Variants in MYO15B observed in about 807,000 individuals in gnomAD.
MYO15B encodes the protein myosin XVB pseudogene.
Under a neutral mutation model 119.3 loss-of-function variants are expected in MYO15B, and 207 were observed. The ratio of observed to expected loss-of-function variants is 1.73; its 90% confidence interval spans 1.55 to 1.95. MYO15B has a LOEUF of 1.95. Ranked by LOEUF, MYO15B falls within the 30% of genes most tolerant of loss-of-function variation. The pLI, the probability that MYO15B is intolerant of heterozygous loss-of-function variation, is 0.00. For synonymous variants in MYO15B, 966 were observed against 498.9 expected (o/e 1.94, Z -12.48); for missense variants, 2,264 against 1,203.1 (o/e 1.88, Z -13.04).
chr17:75,626,039 A>G, intron 62 of MYO15B, 49 bp from the exon 63 acceptor site: 1 of 697,608 alleles, frequency 1.4e-6, no homozygotes. Context: ...ATCACCCACA[A>G]TGACCCCTCC....
At chr17:75,615,065 A>C in intron 33 of MYO15B, 23 bp downstream of exon 33, 1 of 698,868 alleles carries the variant, frequency 1.4e-6, no homozygotes, top group Non-Finnish European at 2.6e-6. Flanking sequence ...CTGATTCCTC[A>C]CCCAGGGCCT....
exon 5 of MYO15B, chr17:75,591,673 C>G: frequency 1.4e-6 from 1 of 702,960 alleles, no homozygotes; most frequent in Non-Finnish European, 2.6e-6. Flanking sequence ...AGTTCCTAAG[C>G]AGCCTGGAGC....
chr17:75,624,835 G>C (rs1284635094), exon 59 of MYO15B: 3 of 702,900 alleles, frequency 4.3e-6, no homozygotes, highest in Admixed American at 4.0e-5. Flanking sequence ...ACCAGGACGT[G>C]AGCCTGCACA....
chr17:75,617,375 T>C, intron 41 of MYO15B, 71 bp downstream of exon 41: 2 of 572,386 alleles, frequency 3.5e-6, no homozygotes, highest in East Asian at 3.0e-5. Context: ...AGACTCTCGG[T>C]GCCCAGGGCT....
At position 75,603,329 on chromosome 17, in the gene MYO15B, C is replaced by G; in HGVS notation, c.4016+17C>G. On this transcript the variant is annotated intron_variant, in intron 19 of 63. Transcript: ENST00000645453. ...CCTGGCCAGGTGGGGCCCAGCACCT[C>G]GGGGCAGGACTGACAAGGAGGCCAC... 1 of 702,574 alleles carries G rather than the reference C, an allele frequency of 1.4e-6. No homozygotes were observed. The highest frequency in any genetic ancestry group is 1.5e-5 in the South Asian group (1 of 67,506). 43.5% of individuals were successfully genotyped at this position (702,574 alleles called of 1,614,324 possible). A position where few individuals can be genotyped will look rare whatever the true frequency, so the allele number is the denominator to read the frequency against.
chr17:75,614,114 GC>G, intron 29 of MYO15B, 84 bp from the exon 30 acceptor site: 2 of 659,304 alleles, frequency 3.0e-6, no homozygotes, highest in Non-Finnish European at 2.8e-6. Context: ...CCCTTCCTCA[GC>G]CCCCTGCCCC....
chr17:75,622,211 G>A (rs112155918), intron 53 of MYO15B, 131 bp downstream of exon 53: 1 of 634,744 alleles, frequency 1.6e-6, no homozygotes, highest in Non-Finnish European at 2.9e-6. Flanking sequence ...TTGCGTGCAG[G>A]GGGGTGTGGC....
exon 5 of MYO15B, chr17:75,591,658 C>G: frequency 1.1e-5 from 8 of 702,950 alleles, no homozygotes; most frequent in Non-Finnish European, 2.1e-5. Context: ...CCAAAAAGAT[C>G]ATGCAGTTCC....
intron 21 of MYO15B, 179 bp downstream of exon 21, chr17:75,606,200 C>G (rs1245223111): frequency 2.0e-6 from 1 of 504,590 alleles, no homozygotes; most frequent in African/African-American, 1.9e-5. Context: ...CGTGCAGCCT[C>G]TGCTTGAATA....
exon 14 of MYO15B, chr17:75,596,891 C>G (rs1020046278): frequency 2.9e-6 from 2 of 700,870 alleles, no homozygotes; most frequent in South Asian, 3.0e-5. Flanking sequence ...CCAGACATGG[C>G]TGTCCCAGGT....
chr17:75,615,062 C>T lies in MYO15B; in HGVS notation c.5641+20C>T. ...CCATGGGTGAGTGAGGGGCTGATTC[C>T]TCACCCAGGGCCTCCGGGCCCGGCA... is the stretch of plus-strand genomic sequence containing the variant. On this transcript the variant is annotated intron_variant, in intron 33 of 63. Transcript: ENST00000645453. 1 of 700,826 alleles carries T rather than the reference C, an allele frequency of 1.4e-6. No individual in the cohort carries two copies. The highest frequency in any genetic ancestry group is 1.5e-5 in the South Asian group (1 of 67,512). The allele number at this position is 700,826 out of a possible 1,614,324, so 43.4% of individuals were successfully genotyped here. A position where few individuals can be genotyped will look rare whatever the true frequency, so the allele number is the denominator to read the frequency against.
exon 1 of MYO15B, chr17:75,588,641 A>C: frequency 2.5e-6 from 1 of 400,572 alleles, no homozygotes; most frequent in Admixed American, 4.4e-5. Flanking sequence ...GAAGGGACAA[A>C]AACCGGGCCG....
At chr17:75,621,837 C>T (rs1366177618) in intron 52 of MYO15B, 167 bp from the exon 53 acceptor site, 4 of 612,512 alleles carry the variant, frequency 6.5e-6, no homozygotes, top group Non-Finnish European at 1.2e-5. Context: ...CCAGGAGCCT[C>T]AGTTTCCCCA....
chr17:75,610,626 C>T lies in MYO15B; in HGVS notation c.4387-274C>T, dbSNP rs540964899. 4.5e-5 allele frequency: 25 copies of T among 552,408 alleles called. No homozygotes were observed. In the South Asian group the frequency reaches 6.1e-4, roughly 14 times the overall value. The allele number at this position is 552,408 out of a possible 1,614,324, so 34.2% of individuals were successfully genotyped here. On this transcript the variant is annotated intron_variant, in intron 22 of 63. Transcript: ENST00000645453. ...TGCCCACGTGCTACCCCCTCTCTGG[C>T]CCCTCCCTGGCTGGACTTTGTCCCC...
chr17:75,618,970 C>T (rs1201942983), intron 43 of MYO15B, 173 bp from the exon 44 acceptor site: 2 of 607,304 alleles, frequency 3.3e-6, no homozygotes, highest in East Asian at 5.5e-5. Flanking sequence ...GGAGGTGGCC[C>T]AAGCCCTCCA....
Position 75,613,785 on chromosome 17 carries a change from G to C in MYO15B, c.5219+8G>C. On this transcript the variant is annotated splice_region_variant and intron_variant, in intron 29 of 63. Coordinates refer to ENST00000645453, the Ensembl canonical transcript of MYO15B. ...GTGGATCCTGCAGAGCAGGTATGGG[G>C]ACCGGGGATGGGGGACAGTGTGGCC... 1 of 700,078 alleles carries C rather than the reference G, an allele frequency of 1.4e-6. No homozygotes were observed. The highest frequency in any genetic ancestry group is 2.6e-6 in the Non-Finnish European group (1 of 383,572). 43.4% of individuals were successfully genotyped at this position (700,078 alleles called of 1,614,324 possible). A position where few individuals can be genotyped will look rare whatever the true frequency, so the allele number is the denominator to read the frequency against.
intron 14 of MYO15B, among the ~76,000 whole-genome samples, chr17:75,600,105 C>A (rs2057157168): frequency 6.7e-6 from 1 of 148,532 alleles, no homozygotes. Context: ...CTCACTGCTG[C>A]AAACTCCGCC....
chr17:75,606,681 C>G (rs1198172669), intron 21 of MYO15B, among the ~76,000 whole-genome samples: 1 of 152,106 alleles, frequency 6.6e-6, no homozygotes, highest in Admixed American at 6.6e-5. Flanking sequence ...CCATGTTGGT[C>G]AGGCTGGTCT....
At position 75,603,013 on chromosome 17, in the gene MYO15B, C is replaced by T. The variant is rs1278054406; in HGVS notation, c.3846-19C>T. ...GGGGCTCCAGTCTGTGCCCGAGTGA[C>T]CCCTCTTTCCCTCATCAGGAGCCAT... On this transcript the variant is annotated intron_variant, in intron 17 of 63. Transcript: ENST00000645453. 2 of 703,074 alleles carry T rather than the reference C, an allele frequency of 2.8e-6. No homozygotes were observed. The highest frequency in any genetic ancestry group is 5.2e-6 in the Non-Finnish European group (2 of 385,024). The allele number at this position is 703,074 out of a possible 1,614,324, so 43.6% of individuals were successfully genotyped here.
Sources: gnomAD v4.1 joint callset for allele counts (sites outside exome capture counted in the v4.1 genomes callset) on GRCh38, gnomAD v4.1.1 for gene constraint, MANE v1.5 for transcripts, NCBI Gene and HGNC (gene_info 2026-07-23, HGNC 2026-07-21) for gene names.